GPR85: variants seen among roughly 807,000 people sequenced by gnomAD.
The protein encoded by GPR85 is probable G protein-coupled receptor 85.
Under a neutral mutation model 21.3 loss-of-function variants are expected in GPR85, and 7 were observed. That is an observed-to-expected ratio of 0.33 (90% CI 0.19 to 0.62). GPR85 has a LOEUF of 0.62. Ranked by LOEUF, GPR85 falls within the 20% of genes least tolerant of loss-of-function variation. The pLI is 0.80. For synonymous variants in GPR85, 167 were observed against 166.1 expected (o/e 1.01, Z -0.04); for missense variants, 299 against 443.8 (o/e 0.67, Z 2.93).
At position 113,086,431 on chromosome 7, in the gene GPR85, T is replaced by TTTTTTG. The variant is rs1562996925; in HGVS notation, c.-399_-398insCAAAAA. The TTTTTTG allele has an allele frequency of 1.3e-3, 145 of 108,118 alleles. 3 individuals carry two copies. Among genetic ancestry groups the TTTTTTG allele is most frequent in the African/African-American group, 1.7e-3 (46 of 27,666 alleles). The allele number at this position is 108,118 out of a possible 1,614,324, so 6.7% of individuals were successfully genotyped here. On this transcript the variant is annotated 5_prime_UTR_variant, in exon 1 of 3. Coordinates refer to ENST00000424100, the MANE Select transcript of GPR85 (RefSeq NM_001146267.2). ...TTTTTTTTTTTGTTTTTTGTTTTTT[T>TTTTTTG]TTTTTTTTTTTTTGCCTTAGTGCCT...
Position 113,082,951 on chromosome 7 carries a change from A to G in GPR85, c.*658T>C, listed in dbSNP as rs1332285914. ...AAACCACATAATACAGTTCAATGCT[A>G]GCAATCTTACTAGTAGATGAGGAAA... On this transcript the variant is annotated 3_prime_UTR_variant, in exon 3 of 3. Transcript: ENST00000424100. The G allele has an allele frequency of 6.6e-6, 1 of 152,650 alleles. No homozygotes were observed. The highest frequency in any genetic ancestry group is 1.5e-5 in the Non-Finnish European group (1 of 68,034). The allele number at this position is 152,650 out of a possible 1,614,324, so 9.5% of individuals were successfully genotyped here. A position where few individuals can be genotyped will look rare whatever the true frequency, so the allele number is the denominator to read the frequency against.
Position 113,084,644 on chromosome 7 carries a change from G to C in GPR85, c.78C>G (p.Ser26=), listed in dbSNP as rs1274779349. Residue 26 remains serine (S), a synonymous_variant, in exon 3 of 3, where the codon TCC becomes TCG. Transcript: ENST00000424100. ...SPLTAFLKLT[S]LGFIIGVSVV... is the part of the protein sequence containing the mutation. Reference sequence around the variant, plus strand: ...CGCTGACTCCTATTATGAAACCCAAGGAAGTCAGTTTCAGAAAGGCTGTTA... The same window carrying C: ...CGCTGACTCCTATTATGAAACCCAACGAAGTCAGTTTCAGAAAGGCTGTTA... 1 of 1,613,284 alleles carries C rather than the reference G, an allele frequency of 6.2e-7. No homozygotes were observed. Among genetic ancestry groups the C allele is most frequent in the Non-Finnish European group, 8.5e-7 (1 of 1,179,334 alleles).
Position 113,083,384 on chromosome 7 carries a change from G to GTTCA in GPR85, c.*221_*224dup. On this transcript the variant is annotated 3_prime_UTR_variant, in exon 3 of 3. Transcript: ENST00000424100. This position sits in a 1 kb window ranked among gnomAD's most constrained non-coding sequence, Gnocchi z 4.4. ...CCACATAAAGAAACTTAGGGCAGTG[G>GTTCA]TTCAGTCCCTTCTTAATTACAAACC... 1.9e-6 allele frequency: 1 copy of GTTCA among 520,592 alleles called. No individual in the cohort carries two copies. The highest frequency in any genetic ancestry group is 2.9e-5 in the South Asian group (1 of 33,962). 32.2% of individuals were successfully genotyped at this position (520,592 alleles called of 1,614,324 possible). A position where few individuals can be genotyped will look rare whatever the true frequency, so the allele number is the denominator to read the frequency against.
rs1794301281 is a variant in GPR85 at position 113,086,430 on chromosome 7, T to TTTTTTTTTTTTTTTTTTTTTTTTTTTG, written c.-398_-397insCAAAAAAAAAAAAAAAAAAAAAAAAAA. 2.8e-5 allele frequency: 3 copies of TTTTTTTTTTTTTTTTTTTTTTTTTTTG among 106,552 alleles called. No homozygotes were observed. Among genetic ancestry groups the TTTTTTTTTTTTTTTTTTTTTTTTTTTG allele is most frequent in the African/African-American group, 1.1e-4 (3 of 26,094 alleles). The allele number at this position is 106,552 out of a possible 1,614,324, so 6.6% of individuals were successfully genotyped here. ...TTTTTTTTTTTTGTTTTTTGTTTTT[T>TTTTTTTTTTTTTTTTTTTTTTTTTTTG]TTTTTTTTTTTTTTGCCTTAGTGCC... On this transcript the variant is annotated 5_prime_UTR_variant, in exon 1 of 3. Transcript: ENST00000424100.
At chr7:113,087,463 AC>A (rs1198460602), upstream of GPR85, 3 of 154,550 alleles carry the variant, frequency 1.9e-5, no homozygotes, top group East Asian at 5.8e-4. Context: ...GTCGGATGAT[AC>A]CACAGACACC....
In GPR85 at chr7:113,083,399, A is replaced by T; in HGVS notation, c.*210T>A. On this transcript the variant is annotated 3_prime_UTR_variant, in exon 3 of 3. Coordinates refer to ENST00000424100, the MANE Select transcript of GPR85 (RefSeq NM_001146267.2). The surrounding 1 kb of genome is among the most constrained non-coding windows in gnomAD (Gnocchi z 4.4). ...TAGGGCAGTGGTTCAGTCCCTTCTT[A>T]ATTACAAACCTTTGCTGGCAGTCAG... 1.8e-6 allele frequency: 1 copy of T among 547,334 alleles called. No individual in the cohort carries two copies. Among genetic ancestry groups the T allele is most frequent in the Non-Finnish European group, 3.2e-6 (1 of 312,508 alleles). 33.9% of individuals were successfully genotyped at this position (547,334 alleles called of 1,614,324 possible). A position where few individuals can be genotyped will look rare whatever the true frequency, so the allele number is the denominator to read the frequency against.
rs1178344150 is a variant in GPR85, at chr7:113,082,898, T to C, written c.*711A>G. On this transcript the variant is annotated 3_prime_UTR_variant, in exon 3 of 3. Coordinates refer to ENST00000424100, the MANE Select transcript of GPR85 (RefSeq NM_001146267.2). ...CTAGCATTTGTAAAATATAAATGAA[T>C]TGGAAAAACTTTATACCAAATCAAC... The C allele has an allele frequency of 1.3e-5, 2 of 152,500 alleles. No individual in the cohort carries two copies. The highest frequency in any genetic ancestry group is 2.9e-5 in the Non-Finnish European group (2 of 67,992). The allele number at this position is 152,500 out of a possible 1,614,324, so 9.4% of individuals were successfully genotyped here.
At position 113,086,390 on chromosome 7, in the gene GPR85, C is replaced by CTTTTTTTTTTTTTTTTTTG. The variant is rs1794280731; in HGVS notation, c.-358_-357insCAAAAAAAAAAAAAAAAAA. Reference sequence around the variant, plus strand: ...AAATTGCTGATTTTTTTCTTTTTTTCTTTTTCTTTTTTTTTTTTTTTTTTT... The same window carrying CTTTTTTTTTTTTTTTTTTG: ...AAATTGCTGATTTTTTTCTTTTTTTCTTTTTTTTTTTTTTTTTTGTTTTTCTTTTTTTTTTTTTTTTTTT... On this transcript the variant is annotated 5_prime_UTR_variant, in exon 1 of 3. It removes the in-frame stop codon of an upstream open reading frame in the 5' UTR. Transcript: ENST00000424100. 3 of 25,300 alleles carry CTTTTTTTTTTTTTTTTTTG rather than the reference C, an allele frequency of 1.2e-4. No individual in the cohort carries two copies. Among genetic ancestry groups the CTTTTTTTTTTTTTTTTTTG allele is most frequent in the African/African-American group, 1.5e-4 (1 of 6,790 alleles). The allele number at this position is 25,300 out of a possible 1,614,324, so 1.6% of individuals were successfully genotyped here. A position where few individuals can be genotyped will look rare whatever the true frequency, so the allele number is the denominator to read the frequency against.
rs1354937076 is a variant in GPR85, at chr7:113,084,871, C to T, written c.-150G>A. On this transcript the variant is annotated 5_prime_UTR_variant, in exon 3 of 3. The change creates a new upstream start codon in the 5' untranslated region. Transcript: ENST00000424100. ...CAGTCATGCTTCCTCTTTTCTTCCACTTGTTTTGCCATCAGAATATCTGAA... is the reference window on the plus strand; with the variant it reads ...CAGTCATGCTTCCTCTTTTCTTCCATTTGTTTTGCCATCAGAATATCTGAA... 5.5e-6 allele frequency: 2 copies of T among 366,704 alleles called. No homozygotes were observed. Among genetic ancestry groups the T allele is most frequent in the Non-Finnish European group, 5.0e-6 (1 of 201,988 alleles). 22.7% of individuals were successfully genotyped at this position (366,704 alleles called of 1,614,324 possible).
Position 113,083,645 on chromosome 7 carries a change from T to C in GPR85, c.1077A>G (p.Lys359=), listed in dbSNP as rs752633380. 3.1e-6 allele frequency: 5 copies of C among 1,614,078 alleles called. No homozygotes were observed. The Admixed American group carries it at 8.3e-5, about 27-fold the overall frequency. Reference sequence around the variant, plus strand: ...AGTAAGGTTCCCTTGGTAACCTGGATTTTCTGCAGTAAAGAAGGGTTGTGC... The same window carrying C: ...AGTAAGGTTCCCTTGGTAACCTGGACTTTCTGCAGTAAAGAAGGGTTGTGC... The part of the protein sequence containing the change: ...CFSTTLLYCR[K]SRLPREPYCV... Residue 359 remains lysine (K), a synonymous_variant, in exon 3 of 3, where the codon AAA becomes AAG. Coordinates refer to ENST00000424100, the MANE Select transcript of GPR85 (RefSeq NM_001146267.2). The surrounding 1 kb of genome is among the most constrained non-coding windows in gnomAD (Gnocchi z 4.4).
Position 113,082,499 on chromosome 7 carries a change from G to T in GPR85, c.*1110C>A, listed in dbSNP as rs1562994415. The T allele has an allele frequency of 6.6e-6, 1 of 152,482 alleles. No homozygotes were observed. Among genetic ancestry groups the T allele is most frequent in the Non-Finnish European group, 1.5e-5 (1 of 68,010 alleles). 9.4% of individuals were successfully genotyped at this position (152,482 alleles called of 1,614,324 possible). ...AATAAATGCTTCACAAATTGTGCAG[G>T]ATGTCATACTAAGGCTGTGGTCTCC... On this transcript the variant is annotated 3_prime_UTR_variant, in exon 3 of 3. Transcript: ENST00000424100.
rs377183296 is a variant in GPR85 at position 113,083,846 on chromosome 7, A to G, written c.876T>C (p.Phe292=). Residue 292 remains phenylalanine (F), a synonymous_variant, in exon 3 of 3, where the codon TTT becomes TTC. Coordinates refer to ENST00000424100, the MANE Select transcript of GPR85 (RefSeq NM_001146267.2). This position sits in a 1 kb window ranked among gnomAD's most constrained non-coding sequence, Gnocchi z 4.4. ...RISRMFYIMT[F]LFLTLWGPYL... ...AGGGGCCCCACAAGGTTAGAAACAG[A>G]AAAGTCATTATATAGAACATTCTGC... The G allele has an allele frequency of 4.3e-6, 7 of 1,614,190 alleles. No individual in the cohort carries two copies. The highest frequency in any genetic ancestry group is 5.9e-6 in the Non-Finnish European group (7 of 1,180,034).
rs1562996789 is a variant in GPR85 at position 113,086,404 on chromosome 7, T to TTTTTTTTTTTG, written c.-372_-371insCAAAAAAAAAA. On this transcript the variant is annotated 5_prime_UTR_variant, in exon 1 of 3. An upstream open reading frame in the 5' UTR loses its in-frame stop. Coordinates refer to ENST00000424100, the MANE Select transcript of GPR85 (RefSeq NM_001146267.2). The stretch of plus-strand genomic sequence containing the variant: ...TTTCTTTTTTTCTTTTTCTTTTTTT[T>TTTTTTTTTTTG]TTTTTTTTTTTTGTTTTTTGTTTTT... 6.3e-4 allele frequency: 59 copies of TTTTTTTTTTTG among 93,770 alleles called. 7 individuals are homozygous for TTTTTTTTTTTG. Among genetic ancestry groups the TTTTTTTTTTTG allele is most frequent in the East Asian group, 1.4e-3 (4 of 2,782 alleles). 5.8% of individuals were successfully genotyped at this position (93,770 alleles called of 1,614,324 possible). A position where few individuals can be genotyped will look rare whatever the true frequency, so the allele number is the denominator to read the frequency against.
At position 113,083,903 on chromosome 7, in the gene GPR85, G is replaced by C; in HGVS notation, c.819C>G (p.Val273=). ...ANTTGRRRLL[V]LDEFKMEKRI... is the part of the protein sequence containing the mutation. ...TTTTCTCCATTTTGAACTCGTCTAAGACCAATAGCCTTCTTCTGCCTGTGG... is the reference window on the plus strand; with the variant it reads ...TTTTCTCCATTTTGAACTCGTCTAACACCAATAGCCTTCTTCTGCCTGTGG... The change falls in exon 3 of 3, where the codon GTC becomes GTG. Residue 273 remains valine, a synonymous_variant. Coordinates refer to ENST00000424100, the MANE Select transcript of GPR85 (RefSeq NM_001146267.2). The surrounding 1 kb of genome is among the most constrained non-coding windows in gnomAD (Gnocchi z 4.4). 2 of 1,614,102 alleles carry C rather than the reference G, an allele frequency of 1.2e-6. No homozygotes were observed. Among genetic ancestry groups the C allele is most frequent in the Non-Finnish European group, 1.7e-6 (2 of 1,180,012 alleles).
At position 113,086,384 on chromosome 7, in the gene GPR85, T is replaced by TTTTTTC. The variant is rs1188530755; in HGVS notation, c.-357_-352dup. 1 of 143,650 alleles carries TTTTTTC rather than the reference T, an allele frequency of 7.0e-6. No homozygotes were observed. Among genetic ancestry groups the TTTTTTC allele is most frequent in the African/African-American group, 2.6e-5 (1 of 38,862 alleles). 8.9% of individuals were successfully genotyped at this position (143,650 alleles called of 1,614,324 possible). On this transcript the variant is annotated 5_prime_UTR_variant, in exon 1 of 3. Coordinates refer to ENST00000424100, the MANE Select transcript of GPR85 (RefSeq NM_001146267.2). ...TTCTATAAATTGCTGATTTTTTTCT[T>TTTTTTC]TTTTTCTTTTTCTTTTTTTTTTTTT...
intron 2 of GPR85, among the ~76,000 whole-genome samples, chr7:113,085,366 G>A (rs1359786546): frequency 2.6e-5 from 4 of 152,312 alleles, no homozygotes; most frequent in Middle Eastern, 3.4e-3. Context: ...CTGCATAAGA[G>A]TATTTGTTGA....
chr7:113,085,097 C>G (rs1794239934), intron 2 of GPR85, among the ~76,000 whole-genome samples: 1 of 152,112 alleles, frequency 6.6e-6, no homozygotes, highest in Admixed American at 6.5e-5. Context: ...TAAAATGTCC[C>G]TATTTTGGAC....
rs1393727151 is a variant in GPR85 at position 113,086,007 on chromosome 7, G to A, written c.-186C>T. 2 of 152,620 alleles carry A rather than the reference G, an allele frequency of 1.3e-5. No individual in the cohort carries two copies. The highest frequency in any genetic ancestry group is 2.9e-5 in the Non-Finnish European group (2 of 68,074). 9.5% of individuals were successfully genotyped at this position (152,620 alleles called of 1,614,324 possible). ...CATTACATACGCGAAGATGGGGAGA[G>A]AGATTGCTTCTGTGCTGCAAAGGAA... On this transcript the variant is annotated 5_prime_UTR_variant, in exon 2 of 3. Coordinates refer to ENST00000424100, the MANE Select transcript of GPR85 (RefSeq NM_001146267.2).
In GPR85 at chr7:113,084,320, G is replaced by A; in HGVS notation, c.402C>T (p.Thr134=). ...AHHRFYTKRL[T]FWTCLAVICM... ...AGATCACAGCCAGACACGTCCAAAA[G>A]GTCAGCCTCTTTGTATAGAAGCGGT... Residue 134 remains threonine (T), a synonymous_variant, in exon 3 of 3, where the codon ACC becomes ACT. Transcript: ENST00000424100. The A allele has an allele frequency of 6.2e-7, 1 of 1,614,098 alleles. No individual in the cohort carries two copies. Among genetic ancestry groups the A allele is most frequent in the Non-Finnish European group, 8.5e-7 (1 of 1,179,990 alleles).
Sources: gnomAD v4.1 joint callset for allele counts (sites outside exome capture counted in the v4.1 genomes callset) on GRCh38, gnomAD v4.1.1 for gene constraint, Gnocchi (gnomAD v3.1) non-coding constraint, MANE v1.5 for transcripts, NCBI Gene and HGNC (gene_info 2026-07-23, HGNC 2026-07-21) for gene names.